The following CTNNA3 variants were observed in gnomAD, a reference collection of about 807,000 sequenced individuals.
CTNNA3 encodes the protein catenin alpha 3.
Under a neutral mutation model 95.7 loss-of-function variants are expected in CTNNA3, and 76 were observed. The ratio of observed to expected loss-of-function variants is 0.79; its 90% CI spans 0.66 to 0.96. The LOEUF (loss-of-function observed/expected upper bound fraction) is 0.96. Among genes scored for constraint, CTNNA3 ranks in the 40% least tolerant of loss-of-function variants. The pLI is 0.00. For synonymous variants in CTNNA3, 431 were observed against 374.4 expected (o/e 1.15, Z -1.74); for missense variants, 1,191 against 1,089.8 (o/e 1.09, Z -1.31).
Position 66,269,163 on chromosome 10 carries a change from G to A in CTNNA3, c.1884+11307C>T, listed in dbSNP as rs537530299. Among the ~76,000 whole-genome samples the A allele has an allele frequency of 9.2e-5, 14 of 152,274 alleles. No individual in the cohort carries two copies. The East Asian group carries it at 2.7e-3, about 29-fold the overall frequency. On this transcript the variant is annotated intron_variant, in intron 13 of 17. Transcript: ENST00000433211. ...GAACCATCCTTACGTAGGTATCTTT[G>A]TTATCCCCATTTTACAAATGCAAAT...
intron 15 of CTNNA3, among the ~76,000 whole-genome samples, chr10:65,997,359 A>C (rs552375635): frequency 5.3e-5 from 8 of 152,306 alleles, no homozygotes; most frequent in Admixed American, 4.6e-4. Flanking sequence ...AATCCAGCCA[A>C]ATTTTGGTGA....
chr10:67,498,492 G>C (rs1032628160), intron 5 of CTNNA3, among the ~76,000 whole-genome samples: 2 of 152,102 alleles, frequency 1.3e-5, no homozygotes, highest in Non-Finnish European at 2.9e-5. Flanking sequence ...TAGCTTGATG[G>C]GGATGGCATT....
chr10:67,411,279 C>G (rs1845358108), intron 5 of CTNNA3, among the ~76,000 whole-genome samples: 1 of 152,058 alleles, frequency 6.6e-6, no homozygotes. Context: ...TCCACAATGT[C>G]TACATATTTC....
chr10:66,389,739 G>C (rs202088632), intron 11 of CTNNA3, among the ~76,000 whole-genome samples: 29,938 of 151,256 alleles, frequency 0.2, 3,577 homozygotes, highest in African/African-American at 0.35. Flanking sequence ...GAGAGAGAGA[G>C]AGAGAGAGAG....
intron 3 of CTNNA3, among the ~76,000 whole-genome samples, chr10:67,588,919 T>C (rs954834858): frequency 2.6e-5 from 4 of 152,090 alleles, no homozygotes; most frequent in African/African-American, 9.7e-5. Flanking sequence ...CAAATCTCTT[T>C]ACTTTTTTTC....
intron 17 of CTNNA3, among the ~76,000 whole-genome samples, chr10:65,961,241 T>C (rs2077835891): frequency 1.3e-5 from 2 of 152,164 alleles, no homozygotes; most frequent in Admixed American, 1.3e-4. Flanking sequence ...TCCTTTCAAC[T>C]TCAAACTTTT....
intron 1 of CTNNA3, among the ~76,000 whole-genome samples, chr10:67,656,200 A>G (rs148901976): frequency 8.5e-5 from 13 of 152,234 alleles, no homozygotes; most frequent in African/African-American, 2.4e-4. Flanking sequence ...CTTGGTAAAC[A>G]AAAGGATCTG....
intron 7 of CTNNA3, among the ~76,000 whole-genome samples, chr10:66,999,652 G>A (rs546043181): frequency 6.6e-6 from 1 of 152,152 alleles, no homozygotes; most frequent in South Asian, 2.1e-4. Context: ...ATCAGGGTTA[G>A]TTTGGGATGA....
chr10:65,972,815 C>T (rs748765636), intron 16 of CTNNA3, among the ~76,000 whole-genome samples: 9 of 150,776 alleles, frequency 6.0e-5, no homozygotes, highest in Non-Finnish European at 1.0e-4. Context: ...AAGCAACCAA[C>T]GTCATTTTTC....
intron 1 of CTNNA3, among the ~76,000 whole-genome samples, chr10:67,669,830 T>C (rs1184705743): frequency 6.6e-6 from 1 of 152,196 alleles, no homozygotes; most frequent in East Asian, 1.9e-4. Flanking sequence ...AATGATTATG[T>C]CCACACAGCT....
At chr10:66,152,170 A>G (rs1244429088) in intron 13 of CTNNA3, among the ~76,000 whole-genome samples, 1 of 152,016 alleles carries the variant, frequency 6.6e-6, no homozygotes, top group Non-Finnish European at 1.5e-5. Flanking sequence ...ACTAAACTTG[A>G]CAGAAATATT....
chr10:67,286,219 T>C (rs79241226), intron 5 of CTNNA3, among the ~76,000 whole-genome samples: 1 of 152,152 alleles, frequency 6.6e-6, no homozygotes, highest in Non-Finnish European at 1.5e-5. Context: ...CAAATAACCC[T>C]TAGTGACTCT....
intron 5 of CTNNA3, among the ~76,000 whole-genome samples, chr10:67,509,188 T>C (rs1839524863): frequency 6.8e-6 from 1 of 147,230 alleles, no homozygotes; most frequent in Non-Finnish European, 1.5e-5. Flanking sequence ...AATAGACATG[T>C]TTCTTTTTTT....
At chr10:66,769,329 A>T (rs1839992249) in intron 8 of CTNNA3, among the ~76,000 whole-genome samples, 1 of 152,180 alleles carries the variant, frequency 6.6e-6, no homozygotes, top group Non-Finnish European at 1.5e-5. Flanking sequence ...AGAGGCAGGG[A>T]TGTATCTCTC....
rs542107201 is a variant in CTNNA3 at position 66,336,642 on chromosome 10, TTTGA to T, written c.1732+42506_1732+42509del. On this transcript the variant is annotated intron_variant, in intron 12 of 17. Coordinates refer to ENST00000433211, the MANE Select transcript of CTNNA3 (RefSeq NM_013266.4). ...ATTCTATAATTCATTATTTTTATAA[TTTGA>T]TTATGTTTTCTAATATTCCAAAAAT... is the stretch of plus-strand genomic sequence containing the variant. Among the ~76,000 whole-genome samples, 215 of 152,256 alleles carry T rather than the reference TTTGA, an allele frequency of 1.4e-3. 3 individuals are homozygous for T. The highest frequency in any genetic ancestry group is 5.1e-3 in the African/African-American group (210 of 41,572).
chr10:67,048,441 GATTT>G (rs1277318502), intron 7 of CTNNA3, among the ~76,000 whole-genome samples: 1 of 151,976 alleles, frequency 6.6e-6, no homozygotes, highest in African/African-American at 2.4e-5. Flanking sequence ...AAAGAATGAT[GATTT>G]TCATTCACTG....
intron 7 of CTNNA3, among the ~76,000 whole-genome samples, chr10:67,133,013 C>T (rs1427605552): frequency 3.3e-5 from 5 of 151,710 alleles, no homozygotes; most frequent in African/African-American, 1.2e-4. Context: ...TAGCAGACTA[C>T]AGTGACTATA....
At chr10:67,287,008 G>A (rs1839631361) in intron 5 of CTNNA3, among the ~76,000 whole-genome samples, 1 of 152,078 alleles carries the variant, frequency 6.6e-6, no homozygotes, top group Admixed American at 6.6e-5. Flanking sequence ...AGAAGCAAGA[G>A]CTTCTGCTGA....
At chr10:67,457,760 CCA>C (rs1027631135) in intron 5 of CTNNA3, among the ~76,000 whole-genome samples, 2 of 152,090 alleles carry the variant, frequency 1.3e-5, no homozygotes, top group African/African-American at 4.8e-5. Context: ...GCTCTTTACC[CCA>C]TTTCTCTGTT....
Sources: gnomAD v4.1 joint callset for allele counts (sites outside exome capture counted in the v4.1 genomes callset) on GRCh38, gnomAD v4.1.1 for gene constraint, MANE v1.5 for transcripts, NCBI Gene and HGNC (gene_info 2026-07-23, HGNC 2026-07-21) for gene names.